SIN3A: variants seen among roughly 807,000 people sequenced by gnomAD.
SIN3A encodes paired amphipathic helix protein Sin3a.
In SIN3A, 14 loss-of-function variants were observed where a neutral mutation model predicts 146.1. The observed-to-expected ratio is 0.10, with a 90% CI of 0.06 to 0.15. The LOEUF (loss-of-function observed/expected upper bound fraction) is 0.15. Ranked by LOEUF, SIN3A falls within the 10% of genes least tolerant of loss-of-function variation. The probability of loss-of-function intolerance (pLI) is 1.00; values close to 1 mark genes in which losing one functional copy is unlikely to be tolerated. For synonymous variants in SIN3A, 572 were observed against 572.0 expected (o/e 1.00, Z 0.00); for missense variants, 1,028 against 1,576.0 (o/e 0.65, Z 5.89).
rs1468978628 is a variant in SIN3A, at chr15:75,413,022, C to T, written c.497G>A (p.Ser166Asn). 3 of 1,613,640 alleles carry T rather than the reference C, an allele frequency of 1.9e-6. No individual in the cohort carries two copies. The highest frequency in any genetic ancestry group is 1.7e-6 in the Non-Finnish European group (2 of 1,179,842). ...GCCTTTGAATAGCTGGGACACACGA[C>T]TAATCACTCCTGGGGTGTCGATGCT... ...SQSIDTPGVISRVSQLFKGHP... is the reference protein window; with the variant it reads ...SQSIDTPGVINRVSQLFKGHP... The change falls in exon 5 of 21, where the codon AGT (serine) becomes AAT (asparagine). Residue 166 changes from serine (S) to asparagine (N), a missense_variant. By Grantham distance (46) the Ser-to-Asn change is conservative. Coordinates refer to ENST00000394947, the MANE Select transcript of SIN3A (RefSeq NM_001145358.2).
intron 1 of SIN3A, among the ~76,000 whole-genome samples, chr15:75,439,596 C>T (rs1414503111): frequency 4.0e-5 from 6 of 151,858 alleles, no homozygotes; most frequent in African/African-American, 1.5e-4. Flanking sequence ...CCGCCCACCT[C>T]AGCCTCCCAA....
chr15:75,415,988 C>A, intron 3 of SIN3A: 1 of 341,390 alleles, frequency 2.9e-6, no homozygotes. Flanking sequence ...AGACCAGGCA[C>A]AGAAAGCTGA....
chr15:75,410,120 T>C lies in SIN3A; in HGVS notation c.1161+14A>G. On this transcript the variant is annotated intron_variant, in intron 7 of 20. Coordinates refer to ENST00000394947, the MANE Select transcript of SIN3A (RefSeq NM_001145358.2). ...ATAATAGTAAATAGTGTAATTCTTATTAAAAAAACATACCACGGAGCTGTT... is the reference window on the plus strand; with the variant it reads ...ATAATAGTAAATAGTGTAATTCTTACTAAAAAAACATACCACGGAGCTGTT... 10 of 1,612,310 alleles carry C rather than the reference T, an allele frequency of 6.2e-6. No homozygotes were observed. Among genetic ancestry groups the C allele is most frequent in the Non-Finnish European group, 8.5e-6 (10 of 1,179,080 alleles).
At chr15:75,381,865 A>T (rs530544384) in intron 17 of SIN3A, among the ~76,000 whole-genome samples, 160 bp from the exon 18 acceptor site, 3 of 152,226 alleles carry the variant, frequency 2.0e-5, no homozygotes, top group Admixed American at 6.5e-5. Flanking sequence ...TGATAAAGGC[A>T]AAAGTCTACA....
rs986823406 is a variant in SIN3A, at chr15:75,422,809, T to C, written c.204A>G (p.Pro68=). ...CGGGCCCATGACTGCCGGAGCTCTG[T>C]GGCATGGCTGAAACCTGGGGTGAAC... is the stretch of plus-strand genomic sequence containing the variant. ...VTPSYQVSAM[P]QSSGSHGPAI... Residue 68 remains proline, a synonymous_variant, in exon 3 of 21, where the codon CCA becomes CCG. Coordinates refer to ENST00000394947, the MANE Select transcript of SIN3A (RefSeq NM_001145358.2). 3.1e-6 allele frequency: 5 copies of C among 1,612,978 alleles called. No homozygotes were observed. Among genetic ancestry groups the C allele is most frequent in the Non-Finnish European group, 8.5e-7 (1 of 1,179,048 alleles).
chr15:75,422,828 G>A lies in SIN3A; in HGVS notation c.190-5C>T. ...GCTCTGTGGCATGGCTGAAACCTGG[G>A]GTGAACAAAATACAGACAGGAAACT... On this transcript the variant is annotated splice_polypyrimidine_tract_variant and splice_region_variant and intron_variant, in intron 2 of 20. Transcript: ENST00000394947. 1 of 1,608,430 alleles carries A rather than the reference G, an allele frequency of 6.2e-7. No individual in the cohort carries two copies. Among genetic ancestry groups the A allele is most frequent in the Non-Finnish European group, 8.5e-7 (1 of 1,175,396 alleles).
intron 8 of SIN3A, among the ~76,000 whole-genome samples, chr15:75,409,522 C>T (rs1246584785): frequency 6.6e-6 from 1 of 150,882 alleles, no homozygotes; most frequent in Non-Finnish European, 1.5e-5. Flanking sequence ...GTCAGGAGAT[C>T]GAGACCATCC....
intron 2 of SIN3A, 144 bp downstream of exon 2, chr15:75,430,043 G>C: frequency 1.5e-6 from 1 of 648,920 alleles, no homozygotes; most frequent in Non-Finnish European, 2.6e-6. Flanking sequence ...AACTTGTATG[G>C]TGAGTACACA....
At chr15:75,413,282 G>A (rs377383511) in intron 4 of SIN3A, among the ~76,000 whole-genome samples, 2 of 151,646 alleles carry the variant, frequency 1.3e-5, no homozygotes, top group Non-Finnish European at 2.9e-5. Flanking sequence ...CACCATACCC[G>A]GCTAATTTTT....
intron 1 of SIN3A, among the ~76,000 whole-genome samples, chr15:75,445,244 T>C (rs1213641288): frequency 6.6e-6 from 1 of 151,756 alleles, no homozygotes; most frequent in Admixed American, 6.6e-5. Flanking sequence ...TAGCCAGGCA[T>C]GGTGGTGGCG....
chr15:75,378,635 T>C (rs977703061), intron 19 of SIN3A, among the ~76,000 whole-genome samples: 3 of 152,182 alleles, frequency 2.0e-5, no homozygotes, highest in Non-Finnish European at 4.4e-5. Flanking sequence ...TCCAGTTATC[T>C]GAAGGATCTG....
At chr15:75,448,493 C>CA (rs377718727) in intron 1 of SIN3A, among the ~76,000 whole-genome samples, 11,070 of 127,378 alleles carry the variant, frequency 0.087, 484 homozygotes, top group Non-Finnish European at 0.093. Context: ...GACTCCATCT[C>CA]AAAAAAAAAA....
intron 2 of SIN3A, among the ~76,000 whole-genome samples, chr15:75,423,448 G>A (rs775169275): frequency 7.2e-5 from 11 of 152,148 alleles, no homozygotes; most frequent in East Asian, 1.9e-4. Context: ...AGAGGCCAAT[G>A]CAGGCGGATC....
chr15:75,441,571 CACT>C (rs1246946955), intron 1 of SIN3A, among the ~76,000 whole-genome samples: 2 of 152,082 alleles, frequency 1.3e-5, no homozygotes, highest in Admixed American at 1.3e-4. Context: ...TGGTGTATAC[CACT>C]ACACTTGGCT....
intron 11 of SIN3A, among the ~76,000 whole-genome samples, chr15:75,400,478 T>C (rs1402896050): frequency 1.3e-5 from 2 of 152,082 alleles, no homozygotes; most frequent in Non-Finnish European, 1.5e-5. Flanking sequence ...TCCCAGGTAC[T>C]TGGGAGGATC....
chr15:75,384,280 T>A lies in SIN3A; in HGVS notation c.3179A>T (p.Asp1060Val). Residue 1060 changes from aspartate (D) to valine (V), a missense_variant, in exon 17 of 21, where the codon GAT (aspartate) becomes GTT (valine). Asp to Val is a radical substitution (Grantham distance 152, BLOSUM62 -3). Coordinates refer to ENST00000394947, the MANE Select transcript of SIN3A (RefSeq NM_001145358.2). ...YQRKAEQLMS[D>V]ENCFKLMFIQ... is the part of the protein sequence containing the mutation. ...AACTCTCACCTTAAAGCAATTCTCATCTGACATTAGCTGCTCAGCTTTCCG... is the reference window on the plus strand; with the variant it reads ...AACTCTCACCTTAAAGCAATTCTCAACTGACATTAGCTGCTCAGCTTTCCG... The A allele has an allele frequency of 3.7e-6, 6 of 1,611,658 alleles. No individual in the cohort carries two copies. The highest frequency in any genetic ancestry group is 5.1e-6 in the Non-Finnish European group (6 of 1,178,666).
intron 2 of SIN3A, among the ~76,000 whole-genome samples, chr15:75,427,525 T>C (rs2073945840): frequency 6.6e-6 from 1 of 151,342 alleles, no homozygotes; most frequent in African/African-American, 2.4e-5. Context: ...CTGGGCGTGG[T>C]GGTGCACGCC....
upstream of SIN3A, among the ~76,000 whole-genome samples, chr15:75,454,363 A>G (rs1015063582): frequency 6.6e-6 from 1 of 152,084 alleles, no homozygotes; most frequent in Admixed American, 6.5e-5. Flanking sequence ...GCTCCCCTGC[A>G]GGCGGGTTGC....
chr15:75,403,963 T>C (rs1259720191), intron 9 of SIN3A, among the ~76,000 whole-genome samples: 1 of 152,196 alleles, frequency 6.6e-6, no homozygotes, highest in Non-Finnish European at 1.5e-5. Context: ...TCTTTTTTCT[T>C]CCTCTATTTA....
Sources: gnomAD v4.1 joint callset for allele counts (sites outside exome capture counted in the v4.1 genomes callset) on GRCh38, gnomAD v4.1.1 for gene constraint, MANE v1.5 for transcripts, NCBI Gene and HGNC (gene_info 2026-07-23, HGNC 2026-07-21) for gene names.